The following GPC6 variants were observed in gnomAD, a reference collection of about 807,000 sequenced individuals.
GPC6 encodes glypican-6.
Under a neutral mutation model 55.2 loss-of-function variants are expected in GPC6, and 14 were observed. That is an observed-to-expected ratio of 0.25 (90% CI 0.17 to 0.40). The LOEUF (loss-of-function observed/expected upper bound fraction) is 0.40, where lower values mean the gene tolerates loss of function less well. Ranked by LOEUF, GPC6 falls within the 10% of genes least tolerant of loss-of-function variation. The pLI is 1.00. For missense variants in GPC6, 641 were observed against 708.5 expected, an observed-to-expected ratio of 0.90 and a Z score of 1.08; for synonymous variants, 278 against 259.6, an observed-to-expected ratio of 1.07 and a Z score of -0.68.
intron 5 of GPC6, among the ~76,000 whole-genome samples, chr13:94,304,184 G>T (rs548849338): frequency 1.2e-4 from 18 of 152,346 alleles, no homozygotes; most frequent in Non-Finnish European, 2.5e-4. Context: ...TTCAGAAATT[G>T]TGTGAGAGAA....
chr13:94,038,994 T>A (rs1009483200), intron 4 of GPC6, among the ~76,000 whole-genome samples: 1 of 151,922 alleles, frequency 6.6e-6, no homozygotes, highest in African/African-American at 2.4e-5. Context: ...GTTCCTGAGA[T>A]GCAAGACCCA....
rs180948101 is a variant in GPC6 at position 94,378,883 on chromosome 13, A to C, written c.1153-3531A>C. On this transcript the variant is annotated intron_variant, in intron 6 of 8. Coordinates refer to ENST00000377047, the MANE Select transcript of GPC6 (RefSeq NM_005708.5). ...TCCTAGAATAGCTCATCCAGGAATCAGAGAAAGGAAATTGTTCTAAATTTT... is the reference window on the plus strand; with the variant it reads ...TCCTAGAATAGCTCATCCAGGAATCCGAGAAAGGAAATTGTTCTAAATTTT... 3.5e-3 allele frequency among the ~76,000 whole-genome samples: 533 copies of C among 152,336 alleles called. 6 individuals carry two copies. The highest frequency in any genetic ancestry group is 3.7e-3 in the Non-Finnish European group (251 of 68,028).
upstream of GPC6, among the ~76,000 whole-genome samples, chr13:93,224,596 T>A (rs1875709550): frequency 6.6e-6 from 1 of 152,202 alleles, no homozygotes; most frequent in Admixed American, 6.5e-5. Flanking sequence ...GACCTTTTTG[T>A]CTAAACCAGA....
chr13:93,220,447 CAAGT>C, the GPC6 span, among the ~76,000 whole-genome samples: 10 of 152,274 alleles, frequency 6.6e-5, no homozygotes, highest in African/African-American at 2.4e-4. Flanking sequence ...GAATTTATAA[CAAGT>C]AAGACAAAGT....
At chr13:93,342,439 C>G (rs1182453595) in intron 1 of GPC6, among the ~76,000 whole-genome samples, 2 of 152,028 alleles carry the variant, frequency 1.3e-5, no homozygotes, top group Admixed American at 6.6e-5. Context: ...GGAGAACTGC[C>G]CTTTATGAAA....
chr13:93,428,532 C>T (rs2139270872), intron 1 of GPC6, among the ~76,000 whole-genome samples: 1 of 152,282 alleles, frequency 6.6e-6, no homozygotes, highest in South Asian at 2.1e-4. Flanking sequence ...CTTCTCTACT[C>T]TGGGGGTGGA....
intron 3 of GPC6, among the ~76,000 whole-genome samples, chr13:93,849,923 G>T (rs1226951411): frequency 6.6e-6 from 1 of 150,834 alleles, no homozygotes; most frequent in Non-Finnish European, 1.5e-5. Flanking sequence ...AAAGGGAGAA[G>T]CAACTAATAA....
chr13:94,337,447 C>CT (rs61307240), intron 6 of GPC6, among the ~76,000 whole-genome samples: 44,731 of 149,026 alleles, frequency 0.3, 6,730 homozygotes, highest in Middle Eastern at 0.42. Flanking sequence ...CATTTTTTTT[C>CT]TTTTTTTTTT....
In GPC6 at chr13:94,233,352, G is replaced by T. The variant is rs141010729; in HGVS notation, c.878-52997G>T. Among the ~76,000 whole-genome samples, 290 of 152,216 alleles carry T rather than the reference G, an allele frequency of 1.9e-3. 3 individuals carry two copies. The highest frequency in any genetic ancestry group is 6.7e-3 in the African/African-American group (278 of 41,528). On this transcript the variant is annotated intron_variant, in intron 4 of 8. Transcript: ENST00000377047. ...CATTAATCTTATTGTCAATAAAGAA[G>T]TAACTCATAAGCAAATAGCTCCTAA...
At chr13:94,113,536 C>G (rs1036649075) in intron 4 of GPC6, among the ~76,000 whole-genome samples, 1 of 152,066 alleles carries the variant, frequency 6.6e-6, no homozygotes, top group African/African-American at 2.4e-5. Flanking sequence ...TCCATGTTTT[C>G]AAGGATAATA....
At chr13:93,339,322 T>C (rs1273175607) in intron 1 of GPC6, among the ~76,000 whole-genome samples, 1 of 151,624 alleles carries the variant, frequency 6.6e-6, no homozygotes, top group Non-Finnish European at 1.5e-5. Flanking sequence ...CCTCTCATGA[T>C]CATGGCTCTC....
chr13:94,129,847 A>T (rs951588071), intron 4 of GPC6, among the ~76,000 whole-genome samples: 1 of 152,196 alleles, frequency 6.6e-6, no homozygotes, highest in Non-Finnish European at 1.5e-5. Flanking sequence ...CAAAGGCCAC[A>T]TAAGCAATTT....
intron 4 of GPC6, among the ~76,000 whole-genome samples, chr13:94,249,469 C>T (rs1288341623): frequency 6.6e-6 from 1 of 152,030 alleles, no homozygotes; most frequent in Admixed American, 6.6e-5. Flanking sequence ...TGTATGACCC[C>T]CTAAGATATC....
intron 3 of GPC6, among the ~76,000 whole-genome samples, chr13:93,948,857 GT>G (rs1270119090): frequency 3.3e-5 from 5 of 152,138 alleles, no homozygotes; most frequent in Admixed American, 2.0e-4. Context: ...TGGTTTGCTT[GT>G]TTTTTGTTTG....
chr13:93,855,930 A>T (rs1888592912), intron 3 of GPC6, among the ~76,000 whole-genome samples: 1 of 151,574 alleles, frequency 6.6e-6, no homozygotes, highest in Admixed American at 6.6e-5. Context: ...ATTTTGGATA[A>T]CAGTATTTTA....
At chr13:93,926,188 T>C (rs139157191) in intron 3 of GPC6, among the ~76,000 whole-genome samples, 1 of 152,144 alleles carries the variant, frequency 6.6e-6, no homozygotes, top group East Asian at 1.9e-4. Flanking sequence ...CCAGATGCAG[T>C]GTGAAAGGGG....
At chr13:93,635,956 T>C (rs762819533) in intron 2 of GPC6, among the ~76,000 whole-genome samples, 4 of 152,096 alleles carry the variant, frequency 2.6e-5, no homozygotes, top group Non-Finnish European at 4.4e-5. Context: ...AACTACTCAG[T>C]AATTCAAGGA....
At chr13:93,446,599 T>G (rs944148050) in intron 1 of GPC6, among the ~76,000 whole-genome samples, 2 of 152,182 alleles carry the variant, frequency 1.3e-5, no homozygotes, top group Non-Finnish European at 2.9e-5. Context: ...GCATGATGAC[T>G]ACAACCCGTT....
chr13:93,774,012 T>A (rs1359810582), intron 2 of GPC6, among the ~76,000 whole-genome samples: 2 of 152,202 alleles, frequency 1.3e-5, no homozygotes, highest in African/African-American at 4.8e-5. Context: ...TTGGCTTAGA[T>A]GCCTCATGCC....
Sources: gnomAD v4.1 joint callset for allele counts (sites outside exome capture counted in the v4.1 genomes callset) on GRCh38, gnomAD v4.1.1 for gene constraint, MANE v1.5 for transcripts, NCBI Gene and HGNC (gene_info 2026-07-23, HGNC 2026-07-21) for gene names.